ARMC9: variants seen among roughly 807,000 people sequenced by gnomAD.
ARMC9 encodes armadillo repeat containing 9.
ARMC9 carries 94 observed loss-of-function variants against 107.0 expected under a neutral mutation model. That is an observed-to-expected ratio of 0.88 (90% confidence interval 0.74 to 1.04). The LOEUF is 1.04. ARMC9 is among the 50% of genes least tolerant of loss of function. The pLI, the probability that ARMC9 is intolerant of heterozygous loss-of-function variation, is 0.00. For synonymous variants in ARMC9, 380 were observed against 396.9 expected, an observed-to-expected ratio of 0.96 and a Z score of 0.51; for missense variants, 942 against 1,030.1, an observed-to-expected ratio of 0.91 and a Z score of 1.17.
At chr2:231,205,785 C>T (rs1158925350) in intron 1 of ARMC9, among the ~76,000 whole-genome samples, 1 of 152,222 alleles carries the variant, frequency 6.6e-6, no homozygotes, top group Non-Finnish European at 1.5e-5. Context: ...TTTCTGGATG[C>T]AGTGGGAGGA....
At chr2:231,273,969 T>C (rs1420581283) in intron 14 of ARMC9, among the ~76,000 whole-genome samples, 1 of 152,170 alleles carries the variant, frequency 6.6e-6, no homozygotes, top group Non-Finnish European at 1.5e-5. Flanking sequence ...TACTGGACGT[T>C]TCATATAAAT....
intron 19 of ARMC9, among the ~76,000 whole-genome samples, chr2:231,309,351 A>AT (rs2042208652): frequency 6.6e-6 from 1 of 152,124 alleles, no homozygotes; most frequent in African/African-American, 2.4e-5. Flanking sequence ...CTCTTATCTG[A>AT]TTTTTTAAAA....
At chr2:231,244,514 C>T (rs1401496341) in intron 9 of ARMC9, among the ~76,000 whole-genome samples, 1 of 152,070 alleles carries the variant, frequency 6.6e-6, no homozygotes, top group African/African-American at 2.4e-5. Context: ...TATGGGCCTG[C>T]ACCACCATGC....
At chr2:231,301,356 G>C (rs777013225) in intron 19 of ARMC9, among the ~76,000 whole-genome samples, 1 of 152,098 alleles carries the variant, frequency 6.6e-6, no homozygotes, top group Non-Finnish European at 1.5e-5. Flanking sequence ...ATGGGCTCTT[G>C]CTGCTGGATG....
intron 21 of ARMC9, among the ~76,000 whole-genome samples, chr2:231,349,495 G>A (rs553932899): frequency 1.3e-5 from 2 of 152,054 alleles, no homozygotes; most frequent in East Asian, 3.9e-4. Context: ...AACACATAAA[G>A]AATGGGCCAG....
chr2:231,226,937 T>TATGACTGCAA, intron 7 of ARMC9, 139 bp downstream of exon 7: 1 of 993,336 alleles, frequency 1.0e-6, no homozygotes, highest in Non-Finnish European at 1.5e-6. Flanking sequence ...TTTGCAGTCA[T>TATGACTGCAA]AGTGACCTGC....
rs569365795 is a variant in ARMC9 at position 231,262,344 on chromosome 2, C to T, written c.1065C>T (p.Thr355=). The change falls in exon 12 of 25, where the codon ACC becomes ACT. Residue 355 remains threonine, a synonymous_variant. Transcript: ENST00000611582. ...CCCATCCTGGAGAGCAGAGGGAGAC[C>T]GTTCTGCAAGCCTACATCAGCAATG... ...TTSHPGEQRE[T]VLQAYISNDL... The T allele has an allele frequency of 2.2e-5, 36 of 1,614,144 alleles. No individual in the cohort carries two copies. Among genetic ancestry groups the T allele is most frequent in the African/African-American group, 4.0e-5 (3 of 75,028 alleles).
intron 23 of ARMC9, among the ~76,000 whole-genome samples, chr2:231,363,883 CAAAAAAAAAAAAAAAA>C (rs1176736980): frequency 6.1e-5 from 1 of 16,268 alleles, no homozygotes; most frequent in Admixed American, 9.0e-4. Flanking sequence ...GACTCCGTCT[CAAAAAAAAAAAAAAAA>C]AAAAAAAAAA....
rs1353161438 is a variant in ARMC9 at position 231,376,450 on chromosome 2, T to C, written c.*4915T>C. Reference sequence around the variant, plus strand: ...CCCCCGGGGGCGTGGTCGTCTCTTATGGTCGAGGCTGCAGAGATGAAATAA... The same window carrying C: ...CCCCCGGGGGCGTGGTCGTCTCTTACGGTCGAGGCTGCAGAGATGAAATAA... On this transcript the variant is annotated 3_prime_UTR_variant, in exon 25 of 25. Coordinates refer to ENST00000611582, the MANE Select transcript of ARMC9 (RefSeq NM_001352754.2). Among the ~76,000 whole-genome samples the C allele has an allele frequency of 6.6e-6, 1 of 152,120 alleles. No individual in the cohort carries two copies. The highest frequency in any genetic ancestry group is 1.9e-4 in the East Asian group (1 of 5,196).
chr2:231,370,436 G>A, intron 24 of ARMC9: 1 of 285,968 alleles, frequency 3.5e-6, no homozygotes, highest in Non-Finnish European at 6.5e-6. Context: ...TCCCTCTGTG[G>A]AGCTCACAGA....
intron 1 of ARMC9, among the ~76,000 whole-genome samples, chr2:231,200,809 T>C (rs1030839500): frequency 1.3e-5 from 2 of 149,056 alleles, no homozygotes; most frequent in African/African-American, 5.0e-5. Context: ...CACTCCAGCC[T>C]GGGCAACAGA....
rs185997237 is a variant in ARMC9 at position 231,214,814 on chromosome 2, T to C, written c.178-17T>C. 16 of 1,612,302 alleles carry C rather than the reference T, an allele frequency of 9.9e-6. No homozygotes were observed. In the East Asian group the frequency reaches 1.8e-4, roughly 18 times the overall value. On this transcript the variant is annotated splice_polypyrimidine_tract_variant and intron_variant, in intron 3 of 24. Transcript: ENST00000611582. The stretch of plus-strand genomic sequence containing the variant: ...GAAATTTACAACGAGGTATGTAGTC[T>C]GATGTCTTCTCCACAGAAGGATCTT...
chr2:231,323,750 G>A (rs2043132484), intron 19 of ARMC9, among the ~76,000 whole-genome samples: 1 of 152,178 alleles, frequency 6.6e-6, no homozygotes, highest in Non-Finnish European at 1.5e-5. Context: ...AGAAAATGAG[G>A]CGCTGACAAG....
At chr2:231,346,590 CTT>C (rs1297996102) in intron 21 of ARMC9, among the ~76,000 whole-genome samples, 1 of 152,210 alleles carries the variant, frequency 6.6e-6, no homozygotes, top group East Asian at 1.9e-4. Flanking sequence ...ATCTCTCTCT[CTT>C]GCTCTCCTTC....
rs146923052 is a variant in ARMC9, at chr2:231,355,726, T to TGCAGTCG, written c.1995-58_1995-52dup. On this transcript the variant is annotated intron_variant, in intron 21 of 24. Transcript: ENST00000611582. ...CCGCCCCCTCCTGTATTTGTGATGC[T>TGCAGTCG]GCAGTCGGCAGTCGGCAGTCCGAAT... is the stretch of plus-strand genomic sequence containing the variant. The TGCAGTCG allele has an allele frequency of 3.3e-5, 48 of 1,455,720 alleles. No homozygotes were observed. In the South Asian group the frequency reaches 3.7e-4, roughly 11 times the overall value. 90.2% of individuals were successfully genotyped at this position (1,455,720 alleles called of 1,614,324 possible).
At chr2:231,254,481 C>T (rs978166042) in intron 9 of ARMC9, among the ~76,000 whole-genome samples, 2 of 151,946 alleles carry the variant, frequency 1.3e-5, no homozygotes, top group Non-Finnish European at 2.9e-5. Context: ...AAATCACATA[C>T]CCTTTGATCT....
Position 231,369,967 on chromosome 2 carries a change from C to A in ARMC9, c.2276C>A (p.Ala759Asp). The change falls in exon 24 of 25, where the codon GCC (alanine) becomes GAC (aspartate). Residue 759 changes from alanine to aspartate, a missense_variant. Physicochemically the swap from Ala to Asp is moderately radical, Grantham distance 126 (BLOSUM62 -2). Coordinates refer to ENST00000611582, the MANE Select transcript of ARMC9 (RefSeq NM_001352754.2). ...NGVTTRECAS[A>D]FTCKPRAPCT... is the part of the protein sequence containing the mutation. Reference sequence around the variant, plus strand: ...TTTTGTTCTAGGGAATGTGCATCAGCCTTCACCTGCAAGCCCCGGGCCCCC... The same window carrying A: ...TTTTGTTCTAGGGAATGTGCATCAGACTTCACCTGCAAGCCCCGGGCCCCC... 1 of 1,521,576 alleles carries A rather than the reference C, an allele frequency of 6.6e-7. No homozygotes were observed. 94.3% of individuals were successfully genotyped at this position (1,521,576 alleles called of 1,614,324 possible).
chr2:231,202,913 A>G (rs2031302890), intron 1 of ARMC9, among the ~76,000 whole-genome samples: 4 of 152,152 alleles, frequency 2.6e-5, no homozygotes, highest in Admixed American at 6.5e-5. Context: ...CTTGGGGGGT[A>G]TGCCTGCAGC....
intron 19 of ARMC9, among the ~76,000 whole-genome samples, chr2:231,320,229 A>G (rs1440175449): frequency 6.6e-6 from 1 of 152,086 alleles, no homozygotes; most frequent in Non-Finnish European, 1.5e-5. Flanking sequence ...GTGTCCTTAT[A>G]TGCCCTTGAG....
Sources: gnomAD v4.1 joint callset for allele counts (sites outside exome capture counted in the v4.1 genomes callset) on GRCh38, gnomAD v4.1.1 for gene constraint, MANE v1.5 for transcripts, NCBI Gene and HGNC (gene_info 2026-07-23, HGNC 2026-07-21) for gene names.